The following RBM33 variants were observed in gnomAD, a reference collection of about 807,000 sequenced individuals.
The protein encoded by RBM33 is RNA-binding protein 33.
RBM33 carries 28 observed loss-of-function variants against 132.6 expected under a neutral mutation model. The observed-to-expected ratio is 0.21, with a 90% CI of 0.16 to 0.29. The LOEUF is 0.29. RBM33 is among the 10% of genes least tolerant of loss of function. The pLI, the probability that RBM33 is intolerant of heterozygous loss-of-function variation, is 1.00. For synonymous variants in RBM33, 634 were observed against 593.0 expected (o/e 1.07, Z -1.01); for missense variants, 1,291 against 1,518.5 (o/e 0.85, Z 2.49).
chr7:155,645,519 A>G (rs1798160707), intron 1 of RBM33, among the ~76,000 whole-genome samples: 1 of 152,238 alleles, frequency 6.6e-6, no homozygotes. Context: ...GCGTCTTCCA[A>G]AAGTGAAAAC....
In RBM33 at chr7:155,707,249, C is replaced by G. The variant is rs910455563; in HGVS notation, c.948+181C>G. ...GATGTTGCATATAGTCTTAGAAATT[C>G]AGCACTCCAGTCATCTGGTAGTAAG... On this transcript the variant is annotated intron_variant, in intron 7 of 17. Transcript: ENST00000401878. The G allele has an allele frequency of 8.5e-6, 6 of 703,110 alleles. No homozygotes were observed. In the East Asian group the frequency reaches 1.4e-4, roughly 17 times the overall value. 43.6% of individuals were successfully genotyped at this position (703,110 alleles called of 1,614,324 possible).
chr7:155,705,361 T>G (rs1404339754), intron 6 of RBM33, among the ~76,000 whole-genome samples: 1 of 152,214 alleles, frequency 6.6e-6, no homozygotes, highest in African/African-American at 2.4e-5. Context: ...TAATTGCTGA[T>G]TCACTGCGTA....
intron 13 of RBM33, among the ~76,000 whole-genome samples, chr7:155,744,196 C>T (rs1801442130): frequency 6.6e-6 from 1 of 152,182 alleles, no homozygotes; most frequent in South Asian, 2.1e-4. Flanking sequence ...CATTATTTTA[C>T]ACGGAGTCTG....
chr7:155,725,173 T>G (rs1800754155), intron 9 of RBM33, among the ~76,000 whole-genome samples: 1 of 151,310 alleles, frequency 6.6e-6, no homozygotes, highest in South Asian at 2.1e-4. Context: ...ACTGCTTTCC[T>G]TTTTTAGTTG....
chr7:155,745,165 C>T lies in RBM33; in HGVS notation c.2542C>T (p.Leu848=). Residue 848 remains leucine (L), a synonymous_variant, in exon 14 of 18, where the codon CTG becomes TTG. Coordinates refer to ENST00000401878, the MANE Select transcript of RBM33 (RefSeq NM_053043.3). The surrounding 1 kb of genome is among the most constrained non-coding windows in gnomAD (Gnocchi z 4.1). ...PPPAEQEEQA[L]SPSPTNGNPL... is the part of the protein sequence containing the mutation. Reference sequence around the variant, plus strand: ...CCCAGCAGAGCAGGAAGAGCAGGCACTGTCACCATCACCCACCAACGGTAA... The same window carrying T: ...CCCAGCAGAGCAGGAAGAGCAGGCATTGTCACCATCACCCACCAACGGTAA... 1 of 1,609,260 alleles carries T rather than the reference C, an allele frequency of 6.2e-7. No homozygotes were observed. The highest frequency in any genetic ancestry group is 8.5e-7 in the Non-Finnish European group (1 of 1,177,614).
chr7:155,710,650 C>T (rs953974466), intron 7 of RBM33, among the ~76,000 whole-genome samples: 1 of 152,172 alleles, frequency 6.6e-6, no homozygotes, highest in Non-Finnish European at 1.5e-5. Flanking sequence ...CCTTGCACCT[C>T]TCTCTTCTTC....
chr7:155,745,225 C>G lies in RBM33; in HGVS notation c.2602C>G (p.Gln868Glu). 1 of 1,612,626 alleles carries G rather than the reference C, an allele frequency of 6.2e-7. No homozygotes were observed. Among genetic ancestry groups the G allele is most frequent in the South Asian group, 1.1e-5 (1 of 90,758 alleles). Residue 868 changes from glutamine to glutamate, a missense_variant, in exon 14 of 18, where the codon CAA becomes GAA. Gln to Glu is a conservative substitution (Grantham distance 29). Coordinates refer to ENST00000401878, the MANE Select transcript of RBM33 (RefSeq NM_053043.3). This position sits in a 1 kb window ranked among gnomAD's most constrained non-coding sequence, Gnocchi z 4.1. The stretch of plus-strand genomic sequence containing the variant: ...GCCCTTTCCAGGTGCACAGGTCAGA[C>G]AAAATGTGAAGAACAGACTTCTTGT... ...LLPFPGAQVR[Q>E]NVKNRLLVKN...
chr7:155,768,903 G>A (rs1422035522), intron 16 of RBM33, among the ~76,000 whole-genome samples: 5 of 152,202 alleles, frequency 3.3e-5, no homozygotes, highest in East Asian at 1.9e-4. Flanking sequence ...GTGAGCCACC[G>A]CACCCGGCTG....
chr7:155,738,439 G>A (rs1166788759), intron 11 of RBM33, 36 bp downstream of exon 11: 10 of 1,559,960 alleles, frequency 6.4e-6, no homozygotes, highest in Admixed American at 1.8e-5. Context: ...GGGAAAAAAT[G>A]TGTAGCTTCA....
At chr7:155,757,551 G>T (rs1235025260) in intron 14 of RBM33, among the ~76,000 whole-genome samples, 1 of 152,058 alleles carries the variant, frequency 6.6e-6, no homozygotes, top group Non-Finnish European at 1.5e-5. Flanking sequence ...ATATGTTAGT[G>T]TAAACTCCTC....
At chr7:155,749,533 G>T (rs1170856231) in intron 14 of RBM33, among the ~76,000 whole-genome samples, 1 of 152,170 alleles carries the variant, frequency 6.6e-6, no homozygotes, top group East Asian at 1.9e-4. Context: ...CTTGATTGGG[G>T]ATAATATTCT....
intron 1 of RBM33, among the ~76,000 whole-genome samples, chr7:155,646,629 C>G (rs955270294): frequency 6.6e-6 from 1 of 152,180 alleles, no homozygotes; most frequent in Non-Finnish European, 1.5e-5. Context: ...GTGGATCTCA[C>G]GCTTTTAAGG....
At position 155,779,192 on chromosome 7, in the gene RBM33, C is replaced by T. The variant is rs1585564470; in HGVS notation, c.*4151C>T. 6.7e-6 allele frequency: 1 copy of T among 150,372 alleles called. No individual in the cohort carries two copies. Among genetic ancestry groups the T allele is most frequent in the East Asian group, 2.0e-4 (1 of 5,124 alleles). The allele number at this position is 150,372 out of a possible 1,614,324, so 9.3% of individuals were successfully genotyped here. ...TTCCCTTCATTAAGCTATGATCCTCCACCCCATTTTTTTTTTTTTTAATTT... is the reference window on the plus strand; with the variant it reads ...TTCCCTTCATTAAGCTATGATCCTCTACCCCATTTTTTTTTTTTTTAATTT... On this transcript the variant is annotated 3_prime_UTR_variant, in exon 18 of 18. Coordinates refer to ENST00000401878, the MANE Select transcript of RBM33 (RefSeq NM_053043.3).
intron 14 of RBM33, among the ~76,000 whole-genome samples, chr7:155,752,099 T>TAA (rs1266323110): frequency 6.6e-6 from 1 of 152,250 alleles, no homozygotes; most frequent in Admixed American, 6.5e-5. Context: ...GGTTTCTGTG[T>TAA]CCTTTGATTT....
At chr7:155,759,872 C>G (rs951108917) in intron 14 of RBM33, among the ~76,000 whole-genome samples, 1 of 152,154 alleles carries the variant, frequency 6.6e-6, no homozygotes, top group Non-Finnish European at 1.5e-5. Flanking sequence ...CCAGAGCATT[C>G]GTCTTGCTGT....
intron 2 of RBM33, among the ~76,000 whole-genome samples, chr7:155,671,786 A>G (rs1044311727): frequency 1.3e-5 from 2 of 152,156 alleles, no homozygotes; most frequent in African/African-American, 2.4e-5. Flanking sequence ...ATATTTCTGT[A>G]TGTTGACTTT....
At chr7:155,709,825 G>T (rs745793117) in intron 7 of RBM33, among the ~76,000 whole-genome samples, 10 of 152,222 alleles carry the variant, frequency 6.6e-5, no homozygotes, top group Non-Finnish European at 1.3e-4. Context: ...TGTGCTAGTG[G>T]ATGTGAGCTG....
Position 155,775,140 on chromosome 7 carries a change from T to A in RBM33, c.*99T>A. ...CAGAACCCCCAGGAGCACAGGTCTC[T>A]CCGGGCCGCTGTCCTGCGTAACTGT... On this transcript the variant is annotated 3_prime_UTR_variant, in exon 18 of 18. Coordinates refer to ENST00000401878, the MANE Select transcript of RBM33 (RefSeq NM_053043.3). The A allele has an allele frequency of 9.6e-7, 1 of 1,046,238 alleles. No individual in the cohort carries two copies. The highest frequency in any genetic ancestry group is 1.5e-6 in the Non-Finnish European group (1 of 667,190). The allele number at this position is 1,046,238 out of a possible 1,614,324, so 64.8% of individuals were successfully genotyped here.
rs1207303981 is a variant in RBM33 at position 155,745,860 on chromosome 7, C to A, written c.2979+258C>A. On this transcript the variant is annotated intron_variant, in intron 14 of 17. Transcript: ENST00000401878. The surrounding 1 kb of genome is among the most constrained non-coding windows in gnomAD (Gnocchi z 4.1). ...TTCCATACACAGACGGTACAGCCTGCTGCACACCTAGGCTATATGGTACAG... is the reference window on the plus strand; with the variant it reads ...TTCCATACACAGACGGTACAGCCTGATGCACACCTAGGCTATATGGTACAG... 10 of 495,358 alleles carry A rather than the reference C, an allele frequency of 2.0e-5. No individual in the cohort carries two copies. The highest frequency in any genetic ancestry group is 3.3e-5 in the Non-Finnish European group (9 of 276,128). 30.7% of individuals were successfully genotyped at this position (495,358 alleles called of 1,614,324 possible).
Sources: gnomAD v4.1 joint callset for allele counts (sites outside exome capture counted in the v4.1 genomes callset) on GRCh38, gnomAD v4.1.1 for gene constraint, Gnocchi (gnomAD v3.1) non-coding constraint, MANE v1.5 for transcripts, NCBI Gene and HGNC (gene_info 2026-07-23, HGNC 2026-07-21) for gene names.